Variants in ADARB2 observed in about 807,000 individuals in gnomAD.
The protein encoded by ADARB2 is inactive double-stranded RNA-specific editase B2.
Under a neutral mutation model 62.2 loss-of-function variants are expected in ADARB2, and 25 were observed. That is an observed-to-expected ratio of 0.40 (90% CI 0.29 to 0.56). ADARB2 has a LOEUF of 0.56. Ranked by LOEUF, ADARB2 falls within the 20% of genes least tolerant of loss-of-function variation. The probability of loss-of-function intolerance (pLI) is 0.43; values close to 1 mark genes in which losing one functional copy is unlikely to be tolerated. For synonymous variants in ADARB2, 572 were observed against 500.8 expected (o/e 1.14, Z -1.90); for missense variants, 1,071 against 1,077.4 (o/e 0.99, Z 0.08).
chr10:1,488,602 G>C (rs907513012), intron 1 of ADARB2, among the ~76,000 whole-genome samples: 4 of 152,002 alleles, frequency 2.6e-5, no homozygotes, highest in African/African-American at 9.7e-5. Context: ...TGATCAATGA[G>C]CCCTGCACCC....
At chr10:1,401,030 G>A (rs2131871888) in intron 1 of ADARB2, among the ~76,000 whole-genome samples, 1 of 152,272 alleles carries the variant, frequency 6.6e-6, no homozygotes, top group African/African-American at 2.4e-5. Context: ...TTGGAAAACT[G>A]GAAAGAGCAA....
chr10:1,437,056 A>G (rs1388185433), intron 1 of ADARB2, among the ~76,000 whole-genome samples: 2 of 152,240 alleles, frequency 1.3e-5, no homozygotes, highest in Non-Finnish European at 1.5e-5. Flanking sequence ...AGGAACTCTT[A>G]GAAATTTAAA....
At position 1,449,193 on chromosome 10, in the gene ADARB2, A is replaced by G. The variant is rs1476573619; in HGVS notation, c.101-70033T>C. 3.3e-5 allele frequency among the ~76,000 whole-genome samples: 5 copies of G among 152,186 alleles called. No individual in the cohort carries two copies. The East Asian group carries it at 9.7e-4, about 29-fold the overall frequency. The stretch of plus-strand genomic sequence containing the variant: ...TATTGCCAGGAACAGTCAGCCCCAC[A>G]TGCTATTATCAACAACTGTCACTTT... On this transcript the variant is annotated intron_variant, in intron 1 of 9. Coordinates refer to ENST00000381312, the MANE Select transcript of ADARB2 (RefSeq NM_018702.4).
At chr10:1,227,427 C>A (rs1386886790) in intron 6 of ADARB2, among the ~76,000 whole-genome samples, 1 of 152,220 alleles carries the variant, frequency 6.6e-6, no homozygotes, top group African/African-American at 2.4e-5. Context: ...CACCTACTGT[C>A]TGGCACTCCC....
At chr10:1,625,274 G>A (rs868086542) in intron 1 of ADARB2, among the ~76,000 whole-genome samples, 3 of 152,196 alleles carry the variant, frequency 2.0e-5, no homozygotes, top group African/African-American at 2.4e-5. Flanking sequence ...GGCTGAACTC[G>A]CCATCTTTAC....
chr10:1,341,223 C>T (rs1302789143), intron 3 of ADARB2, among the ~76,000 whole-genome samples: 1 of 151,828 alleles, frequency 6.6e-6, no homozygotes, highest in Admixed American at 6.6e-5. Flanking sequence ...AACCACGTGC[C>T]CCACAGTGGC....
chr10:1,652,581 G>C (rs139247023), intron 1 of ADARB2, among the ~76,000 whole-genome samples: 2 of 152,304 alleles, frequency 1.3e-5, no homozygotes, highest in African/African-American at 2.4e-5. Context: ...GTCATTGCTT[G>C]CTAGAATTGT....
At chr10:1,251,572 G>A (rs1187612843) in intron 4 of ADARB2, among the ~76,000 whole-genome samples, 1 of 152,008 alleles carries the variant, frequency 6.6e-6, no homozygotes, top group Non-Finnish European at 1.5e-5. Context: ...CACAAAGAAT[G>A]GTTTTTGGGT....
At chr10:1,429,637 C>G (rs938526308) in intron 1 of ADARB2, among the ~76,000 whole-genome samples, 4 of 152,164 alleles carry the variant, frequency 2.6e-5, no homozygotes, top group African/African-American at 9.7e-5. Context: ...AAGCATCATT[C>G]AGCTTCTATA....
Position 1,406,922 on chromosome 10 carries a change from C to T in ADARB2, c.101-27762G>A, listed in dbSNP as rs899555229. 3.9e-5 allele frequency among the ~76,000 whole-genome samples: 6 copies of T among 152,292 alleles called. No individual in the cohort carries two copies. In the East Asian group the frequency reaches 5.8e-4, roughly 15 times the overall value. On this transcript the variant is annotated intron_variant, in intron 1 of 9. Coordinates refer to ENST00000381312, the MANE Select transcript of ADARB2 (RefSeq NM_018702.4). The stretch of plus-strand genomic sequence containing the variant: ...AAAGAGGAGGAGCTTATGCCCCCCT[C>T]GCCAGAAGCAGCCCATCCCCATCCT...
intron 1 of ADARB2, among the ~76,000 whole-genome samples, chr10:1,412,015 A>G (rs998799848): frequency 6.6e-6 from 1 of 152,220 alleles, no homozygotes; most frequent in African/African-American, 2.4e-5. Context: ...TGATGTGTTC[A>G]TTCCCTTCTT....
At chr10:1,314,532 C>T (rs1181650297) in intron 3 of ADARB2, among the ~76,000 whole-genome samples, 10 of 152,220 alleles carry the variant, frequency 6.6e-5, no homozygotes, top group African/African-American at 2.4e-4. Context: ...CTCCCCACTG[C>T]CCGGCCTCCA....
chr10:1,653,450 C>T (rs1564359083), intron 1 of ADARB2, among the ~76,000 whole-genome samples: 1 of 152,120 alleles, frequency 6.6e-6, no homozygotes, highest in Non-Finnish European at 1.5e-5. Flanking sequence ...TGTTGGGGGG[C>T]CCAGGAATGT....
intron 1 of ADARB2, among the ~76,000 whole-genome samples, chr10:1,670,570 GC>G (rs1427391854): frequency 2.6e-5 from 4 of 152,144 alleles, no homozygotes; most frequent in African/African-American, 9.7e-5. Context: ...AGTGGCCCCG[GC>G]CCTGCCACAC....
At chr10:1,409,578 G>C (rs1296747137) in intron 1 of ADARB2, among the ~76,000 whole-genome samples, 1 of 149,386 alleles carries the variant, frequency 6.7e-6, no homozygotes, top group Admixed American at 6.7e-5. Flanking sequence ...CATAGGGAAG[G>C]ATTCTCAGTG....
At chr10:1,613,849 C>T (rs1031272348) in intron 1 of ADARB2, among the ~76,000 whole-genome samples, 21 of 152,314 alleles carry the variant, frequency 1.4e-4, no homozygotes, top group South Asian at 1.0e-3. Flanking sequence ...GTTAAATGTG[C>T]GCGGGAAGCA....
chr10:1,395,004 C>T (rs984637535), intron 1 of ADARB2: 32 of 454,070 alleles, frequency 7.0e-5, no homozygotes, highest in African/African-American at 4.4e-4. Context: ...CCTGCAGCCT[C>T]GAACTCCTGG....
chr10:1,690,580 A>G (rs1046845891), intron 1 of ADARB2, among the ~76,000 whole-genome samples: 7 of 152,216 alleles, frequency 4.6e-5, no homozygotes, highest in Admixed American at 1.3e-4. Flanking sequence ...GCTGGTGAAA[A>G]ATAACTGGAA....
At chr10:1,437,653 G>T (rs1830848601) in intron 1 of ADARB2, among the ~76,000 whole-genome samples, 1 of 152,214 alleles carries the variant, frequency 6.6e-6, no homozygotes, top group Admixed American at 6.5e-5. Context: ...GGATCCAAGT[G>T]CATCTGAGCC....
Sources: allele counts gnomAD v4.1 joint callset (sites outside exome capture counted in the v4.1 genomes callset), GRCh38; gene constraint gnomAD v4.1.1; transcripts MANE v1.5; gene names NCBI Gene and HGNC (gene_info 2026-07-23, HGNC 2026-07-21).